PPY: variants seen among roughly 807,000 people sequenced by gnomAD.
PPY encodes pancreatic polypeptide prohormone.
In PPY, 6 loss-of-function variants were observed where a neutral mutation model predicts 9.3. That is an observed-to-expected ratio of 0.64 (90% CI 0.35 to 1.27). The LOEUF (loss-of-function observed/expected upper bound fraction) is 1.27. Ranked by LOEUF, PPY falls within the 50% of genes most tolerant of loss-of-function variation. PPY has a pLI of 0.03. For missense variants in PPY, 109 were observed against 119.1 expected (o/e 0.91, Z 0.40); for synonymous variants, 58 against 54.6 (o/e 1.06, Z -0.27).
chr17:43,941,083 C>T (rs1466968192), intron 3 of PPY, 60 bp downstream of exon 3: 4 of 1,547,106 alleles, frequency 2.6e-6, no homozygotes, highest in Non-Finnish European at 3.5e-6. Flanking sequence ...CTGATTCAGT[C>T]CCACCACCCC....
rs541519405 is a variant in PPY at position 43,941,361 on chromosome 17, G to A, written c.191+103C>T. 114 of 1,555,954 alleles carry A rather than the reference G, an allele frequency of 7.3e-5. No homozygotes were observed. The African/African-American group carries it at 1.4e-3, about 20-fold the overall frequency. ...GCCCTGTTTTCCCAAGAGCAGGCCT[G>A]GAAGGGGCTGGGGCTGGGGCTGGGG... On this transcript the variant is annotated intron_variant, in intron 2 of 3. Transcript: ENST00000225992.
In PPY at chr17:43,942,186, C is replaced by T. The variant is rs2048584128; in HGVS notation, c.-1+235G>A. Reference sequence around the variant, plus strand: ...CTCACACAGGGACCCCAGTCACTCACAAGGTCACAGTCACACATTCCAGTT... The same window carrying T: ...CTCACACAGGGACCCCAGTCACTCATAAGGTCACAGTCACACATTCCAGTT... On this transcript the variant is annotated intron_variant, in intron 1 of 3. Transcript: ENST00000225992. The surrounding 1 kb of genome is among the most constrained non-coding windows in gnomAD (Gnocchi z 5.3). 1 of 172,788 alleles carries T rather than the reference C, an allele frequency of 5.8e-6. No homozygotes were observed. The highest frequency in any genetic ancestry group is 1.3e-5 in the Non-Finnish European group (1 of 79,000). The allele number at this position is 172,788 out of a possible 1,614,324, so 10.7% of individuals were successfully genotyped here.
chr17:43,943,761 G>A (rs1432784433), upstream of PPY, among the ~76,000 whole-genome samples: 1 of 151,442 alleles, frequency 6.6e-6, no homozygotes, highest in African/African-American at 2.4e-5. Flanking sequence ...ATCTGGCAGG[G>A]TGGGCTTAGA....
rs2048585578 is a variant in PPY, at chr17:43,942,435, A to T, written c.-15T>A. 6.6e-6 allele frequency: 1 copy of T among 152,322 alleles called. No homozygotes were observed. 9.4% of individuals were successfully genotyped at this position (152,322 alleles called of 1,614,324 possible). A position where few individuals can be genotyped will look rare whatever the true frequency, so the allele number is the denominator to read the frequency against. The stretch of plus-strand genomic sequence containing the variant: ...AGCCCACTTACCCGGAGTCCAGAGT[A>T]AATGGGCACTAGACCAAGCGAGCAC... On this transcript the variant is annotated 5_prime_UTR_variant, in exon 1 of 4. Coordinates refer to ENST00000225992, the MANE Select transcript of PPY (RefSeq NM_002722.5). This position sits in a 1 kb window ranked among gnomAD's most constrained non-coding sequence, Gnocchi z 5.3.
chr17:43,941,027 G>A (rs563283530), intron 3 of PPY, 75 bp from the exon 4 acceptor site: 8 of 1,557,928 alleles, frequency 5.1e-6, no homozygotes, highest in Admixed American at 1.9e-5. Context: ...GCTGGCCCTG[G>A]GCTCCTGTTC....
rs1277080300 is a variant in PPY, at chr17:43,941,670, A to T, written c.1-16T>A. 2 of 1,584,254 alleles carry T rather than the reference A, an allele frequency of 1.3e-6. No individual in the cohort carries two copies. The highest frequency in any genetic ancestry group is 1.7e-6 in the Non-Finnish European group (2 of 1,165,466). ...CGGCAGCCATCTGAGGAGCAAGCAG[A>T]GGGGAGGTGGAGAGCCCGGGCTGCA... On this transcript the variant is annotated splice_polypyrimidine_tract_variant and intron_variant, in intron 1 of 3. Transcript: ENST00000225992.
At chr17:43,941,062 C>T (rs934369078) in intron 3 of PPY, 81 bp downstream of exon 3, 1 of 1,546,734 alleles carries the variant, frequency 6.5e-7, no homozygotes, top group Non-Finnish European at 8.8e-7. Flanking sequence ...CCCACTACAC[C>T]TTTCCAAGCC....
rs1164088187 is a variant in PPY, at chr17:43,941,744, CCAT to C, written c.1-93_1-91del. The C allele has an allele frequency of 5.3e-6, 7 of 1,326,072 alleles. No individual in the cohort carries two copies. In the African/African-American group the frequency reaches 1.0e-4, roughly 19 times the overall value. The allele number at this position is 1,326,072 out of a possible 1,614,324, so 82.1% of individuals were successfully genotyped here. A position where few individuals can be genotyped will look rare whatever the true frequency, so the allele number is the denominator to read the frequency against. ...GGGCCCAACTATCCAGCCCCTTAGC[CCAT>C]CATCCATTTCTCCAAGCCTGGGGAC... On this transcript the variant is annotated intron_variant, in intron 1 of 3. Coordinates refer to ENST00000225992, the MANE Select transcript of PPY (RefSeq NM_002722.5).
chr17:43,941,508 A>G lies in PPY; in HGVS notation c.147T>C (p.Tyr49=), dbSNP rs138488825. 108 of 1,614,072 alleles carry G rather than the reference A, an allele frequency of 6.7e-5. No individual in the cohort carries two copies. The African/African-American group carries it at 9.2e-4, about 14-fold the overall frequency. The change falls in exon 2 of 4, where the codon TAT becomes TAC. Residue 49 remains tyrosine, a synonymous_variant. Coordinates refer to ENST00000225992, the MANE Select transcript of PPY (RefSeq NM_002722.5). ...DNATPEQMAQ[Y]AADLRRYINM... ...TGATGTATCTACGGAGATCAGCTGC[A>G]TACTGGGCCATCTGCTCTGGTGTGG...
intron 3 of PPY, 49 bp from the exon 4 acceptor site, chr17:43,941,001 C>T: frequency 2.5e-6 from 4 of 1,577,194 alleles, no homozygotes; most frequent in Non-Finnish European, 2.6e-6. Context: ...GGCCTCGTGC[C>T]CTCAGGAGGC....
intron 2 of PPY, 91 bp from the exon 3 acceptor site, chr17:43,941,305 G>A (rs1394758099): frequency 6.6e-7 from 1 of 1,507,202 alleles, no homozygotes; most frequent in Non-Finnish European, 9.0e-7. Context: ...CTTGCCCAGG[G>A]CACATTGGTC....
rs780550434 is a variant in PPY, at chr17:43,941,543, C to CT, written c.111dup (p.Gly38ArgfsTer15). On this transcript the variant is annotated frameshift_variant, in exon 2 of 4. Coordinates refer to ENST00000225992, the MANE Select transcript of PPY (RefSeq NM_002722.5). LOFTEE classifies it high-confidence loss of function. Reference sequence around the variant, plus strand: ...ATCTGCTCTGGTGTGGCATTGTCCCCTGGGTACACTGGCTCCAGTGGGGCT... The same window carrying CT: ...ATCTGCTCTGGTGTGGCATTGTCCCCTTGGGTACACTGGCTCCAGTGGGGCT... The CT allele has an allele frequency of 4.7e-4, 755 of 1,614,028 alleles. 12 individuals are homozygous for CT. In the South Asian group the frequency reaches 7.3e-3, roughly 16 times the overall value.
At chr17:43,942,605 A>G (rs1251304681), upstream of PPY, 1 of 152,360 alleles carries the variant, frequency 6.6e-6, no homozygotes, top group Admixed American at 6.5e-5. The surrounding 1 kb of genome is among the most constrained non-coding windows in gnomAD (Gnocchi z 5.3). Flanking sequence ...CAACGCCAGT[A>G]CTGAGGCCAG....
intron 2 of PPY, 39 bp downstream of exon 2, chr17:43,941,425 C>G (rs757952053): frequency 6.2e-7 from 1 of 1,612,484 alleles, no homozygotes; most frequent in Non-Finnish European, 8.5e-7. Flanking sequence ...GCCCAGGGTC[C>G]CAGGGGCTGG....
upstream of PPY, among the ~76,000 whole-genome samples, chr17:43,943,725 A>C (rs1009431421): frequency 2.4e-4 from 37 of 152,128 alleles, no homozygotes; most frequent in Admixed American, 2.4e-3. Flanking sequence ...GTTGGGGAAG[A>C]GGGGACTGGA....
At chr17:43,943,058 C>T (rs1002123102), upstream of PPY, among the ~76,000 whole-genome samples, 20 of 152,112 alleles carry the variant, frequency 1.3e-4, no homozygotes, top group African/African-American at 4.8e-4. Flanking sequence ...TTGGTGGGTG[C>T]ATAGGATGCA....
chr17:43,941,312 G>C, intron 2 of PPY, 98 bp from the exon 3 acceptor site: 5 of 1,502,382 alleles, frequency 3.3e-6, no homozygotes, highest in Non-Finnish European at 4.5e-6. Context: ...AGGGCACATT[G>C]GTCTAGGCCT....
At chr17:43,941,283 T>C (rs1430969232) in intron 2 of PPY, 69 bp from the exon 3 acceptor site, 1 of 1,525,666 alleles carries the variant, frequency 6.6e-7, no homozygotes, top group African/African-American at 1.4e-5. Context: ...CATATCTGCC[T>C]GTAGGCACCA....
At chr17:43,944,138 C>T (rs1039242035), upstream of PPY, among the ~76,000 whole-genome samples, 4 of 152,174 alleles carry the variant, frequency 2.6e-5, no homozygotes, top group Non-Finnish European at 5.9e-5. Context: ...TTGGGTTTGG[C>T]GGGTAGAGGT....
Sources: allele counts gnomAD v4.1 joint callset (sites outside exome capture counted in the v4.1 genomes callset), GRCh38; gene constraint gnomAD v4.1.1; non-coding constraint Gnocchi (gnomAD v3.1); transcripts MANE v1.5; gene names NCBI Gene and HGNC (gene_info 2026-07-23, HGNC 2026-07-21).